Variants in CNTN5 observed in about 807,000 individuals in gnomAD.
CNTN5 encodes the protein contactin-5.
A neutral mutation model predicts 129.1 loss-of-function variants in CNTN5; 77 were observed. The observed-to-expected ratio is 0.60, with a 90% CI of 0.50 to 0.72. The LOEUF is 0.72. CNTN5 is among the 30% of genes least tolerant of loss of function. The probability of loss-of-function intolerance (pLI) is 0.00; values close to 1 mark genes in which losing one functional copy is unlikely to be tolerated. For synonymous variants in CNTN5, 509 were observed against 465.6 expected (o/e 1.09, Z -1.20); for missense variants, 1,478 against 1,328.8 (o/e 1.11, Z -1.75).
rs200373167 is a variant in CNTN5 at position 100,002,102 on chromosome 11, A to G, written c.946A>G (p.Thr316Ala). 1.3e-6 allele frequency: 2 copies of G among 1,595,696 alleles called. No homozygotes were observed. Among genetic ancestry groups the G allele is most frequent in the South Asian group, 1.1e-5 (1 of 87,048 alleles). The change falls in exon 9 of 25, where the codon ACA becomes GCA. Residue 316 changes from threonine (T) to alanine (A), a missense_variant. Physicochemically the swap from Thr to Ala is moderately conservative, Grantham distance 58. Transcript: ENST00000524871. ...TTTCACGGTTACAGCTGCTAAAGGA[A>G]CAACTGTTAAGATGGAATGCTTTGC... ...FPFTVTAAKG[T>A]TVKMECFALG...
At chr11:99,194,082 G>A (rs964678955) in intron 1 of CNTN5, among the ~76,000 whole-genome samples, 1 of 152,142 alleles carries the variant, frequency 6.6e-6, no homozygotes, top group Non-Finnish European at 1.5e-5. Context: ...TACTTCTTTA[G>A]CATTGGATAG....
intron 1 of CNTN5, among the ~76,000 whole-genome samples, chr11:99,313,472 A>G (rs763882930): frequency 1.2e-4 from 19 of 152,074 alleles, no homozygotes; most frequent in Non-Finnish European, 2.4e-4. Flanking sequence ...ATTTGCTAAG[A>G]ACATACTAAC....
At chr11:99,989,455 A>G (rs11222235) in intron 8 of CNTN5, among the ~76,000 whole-genome samples, 1 of 151,350 alleles carries the variant, frequency 6.6e-6, no homozygotes, top group African/African-American at 2.4e-5. Context: ...CAAAGTACCA[A>G]CTTTTTTTTT....
intron 1 of CNTN5, among the ~76,000 whole-genome samples, chr11:99,080,465 T>C (rs1279222721): frequency 1.3e-5 from 2 of 152,158 alleles, no homozygotes; most frequent in African/African-American, 4.8e-5. Context: ...TTAACTCTTT[T>C]AAAGGTAGCA....
intron 1 of CNTN5, among the ~76,000 whole-genome samples, chr11:99,131,965 C>T (rs116627063): frequency 0.014 from 2,055 of 152,158 alleles, 49 homozygotes; most frequent in African/African-American, 0.046. Context: ...AACTTCAGGC[C>T]GACATCCCTG....
intron 8 of CNTN5, among the ~76,000 whole-genome samples, chr11:99,966,833 A>G (rs2136211269): frequency 6.6e-6 from 1 of 152,288 alleles, no homozygotes; most frequent in Non-Finnish European, 1.5e-5. Flanking sequence ...TCTGTTATTT[A>G]TTCAGTTTAT....
At chr11:99,272,078 T>G (rs1056676878) in intron 1 of CNTN5, among the ~76,000 whole-genome samples, 1 of 151,908 alleles carries the variant, frequency 6.6e-6, no homozygotes, top group Non-Finnish European at 1.5e-5. Context: ...CAATTCTTAC[T>G]GCAACTTTAT....
Position 99,086,930 on chromosome 11 carries a change from G to A in CNTN5, c.-210+65660G>A, listed in dbSNP as rs113247964. On this transcript the variant is annotated intron_variant, in intron 1 of 24. Transcript: ENST00000524871. ...TGAATATAATCTTTATAACAGTATC[G>A]TGGTGGTAGCATTACTTTTGTCCCT... 1.8e-4 allele frequency among the ~76,000 whole-genome samples: 28 copies of A among 152,186 alleles called. 1 individual carries two copies. Among genetic ancestry groups the A allele is most frequent in the African/African-American group, 3.6e-4 (15 of 41,524 alleles).
chr11:99,556,717 C>T (rs1056975886), intron 3 of CNTN5, among the ~76,000 whole-genome samples: 2 of 149,996 alleles, frequency 1.3e-5, no homozygotes, highest in African/African-American at 4.9e-5. Flanking sequence ...CTAAATTTCA[C>T]CATATAAAAC....
chr11:99,489,555 C>T (rs566772736), intron 2 of CNTN5, among the ~76,000 whole-genome samples: 1 of 152,228 alleles, frequency 6.6e-6, no homozygotes, highest in East Asian at 1.9e-4. Context: ...ATACTGACAC[C>T]TGTGATTAAT....
intron 2 of CNTN5, among the ~76,000 whole-genome samples, chr11:99,390,334 G>T (rs1294643153): frequency 6.6e-6 from 1 of 152,040 alleles, no homozygotes; most frequent in East Asian, 1.9e-4. Context: ...GCCCACACTG[G>T]TCTTGAACCC....
At chr11:100,339,723 A>G (rs1952119555) in intron 21 of CNTN5, among the ~76,000 whole-genome samples, 1 of 152,104 alleles carries the variant, frequency 6.6e-6, no homozygotes, top group Non-Finnish European at 1.5e-5. Flanking sequence ...GGAGAAAGCT[A>G]CTCTTTGTTG....
chr11:99,695,549 T>C (rs1004917615), intron 3 of CNTN5, among the ~76,000 whole-genome samples: 1 of 151,990 alleles, frequency 6.6e-6, no homozygotes, highest in East Asian at 1.9e-4. Context: ...ATATATCTTA[T>C]AGAAATCCAT....
chr11:99,372,341 A>T (rs1939875155), intron 2 of CNTN5, among the ~76,000 whole-genome samples: 1 of 152,206 alleles, frequency 6.6e-6, no homozygotes, highest in African/African-American at 2.4e-5. Flanking sequence ...AAACAAAAAA[A>T]AGTGGTACCA....
intron 12 of CNTN5, among the ~76,000 whole-genome samples, chr11:100,072,760 C>T (rs1943971861): frequency 6.6e-6 from 1 of 152,092 alleles, no homozygotes; most frequent in Non-Finnish European, 1.5e-5. Flanking sequence ...AATTTCTCCA[C>T]ATTACAACAA....
At chr11:99,422,089 C>T (rs556924927) in intron 2 of CNTN5, among the ~76,000 whole-genome samples, 5 of 151,914 alleles carry the variant, frequency 3.3e-5, no homozygotes, top group South Asian at 2.1e-4. Context: ...CAGTGAGAGG[C>T]GGAAATCTAG....
intron 1 of CNTN5, among the ~76,000 whole-genome samples, chr11:99,267,284 G>T (rs553527092): frequency 6.6e-6 from 1 of 152,138 alleles, no homozygotes; most frequent in South Asian, 2.1e-4. Context: ...AAATAACCAC[G>T]TGAGTTTGTT....
At chr11:99,813,559 A>G (rs1278294199) in intron 3 of CNTN5, among the ~76,000 whole-genome samples, 3 of 152,156 alleles carry the variant, frequency 2.0e-5, no homozygotes, top group Admixed American at 2.0e-4. Flanking sequence ...TTGGAATATC[A>G]AAGACAGAAG....
chr11:99,742,749 C>T (rs1349522488), intron 3 of CNTN5, among the ~76,000 whole-genome samples: 1 of 152,140 alleles, frequency 6.6e-6, no homozygotes, highest in Non-Finnish European at 1.5e-5. Flanking sequence ...CCTAGCGTTC[C>T]TTCTACTGAA....
Sources: allele counts gnomAD v4.1 joint callset (sites outside exome capture counted in the v4.1 genomes callset), GRCh38; gene constraint gnomAD v4.1.1; transcripts MANE v1.5; gene names NCBI Gene and HGNC (gene_info 2026-07-23, HGNC 2026-07-21).